Variants in FSHR observed in about 807,000 individuals in gnomAD.
The protein encoded by FSHR is follicle stimulating hormone receptor, also known as follicle-stimulating hormone receptor.
A neutral mutation model predicts 52.1 loss-of-function variants in FSHR; 46 were observed. The ratio of observed to expected loss-of-function variants is 0.88; its 90% CI spans 0.70 to 1.13. The LOEUF (loss-of-function observed/expected upper bound fraction) is 1.13. Among genes scored for constraint, FSHR ranks in the 50% most tolerant of loss-of-function variants. The pLI is 0.00. For missense variants in FSHR, 964 were observed against 834.6 expected (o/e 1.16, Z -1.91); for synonymous variants, 399 against 309.6 (o/e 1.29, Z -3.03).
chr2:49,006,431 G>C (rs949602463), intron 4 of FSHR, among the ~76,000 whole-genome samples: 1 of 151,982 alleles, frequency 6.6e-6, no homozygotes. Context: ...TCCAAATCTA[G>C]TCATACTCTT....
chr2:49,073,553 T>C (rs569259904), intron 1 of FSHR, among the ~76,000 whole-genome samples: 7 of 151,864 alleles, frequency 4.6e-5, no homozygotes, highest in Non-Finnish European at 7.4e-5. Context: ...TTAAAGAAGA[T>C]ACAAATGTAA....
rs199548127 is a variant in FSHR at position 49,020,175 on chromosome 2, A to G, written c.225-15T>C. ...GAGAGATCTCTCTGTGGAGAAAAAA[A>G]TATATAAGTCAAGCCAGTTCAGTTA... is the stretch of plus-strand genomic sequence containing the variant. On this transcript the variant is annotated splice_polypyrimidine_tract_variant and intron_variant, in intron 2 of 9. Coordinates refer to ENST00000406846, the MANE Select transcript of FSHR (RefSeq NM_000145.4). 1.8e-5 allele frequency: 29 copies of G among 1,604,886 alleles called. No individual in the cohort carries two copies. The highest frequency in any genetic ancestry group is 5.4e-5 in the African/African-American group (4 of 74,684).
intron 2 of FSHR, among the ~76,000 whole-genome samples, chr2:49,021,882 TATATAGAGAGAGAGAGAGAG>T (rs201502949): frequency 0.011 from 482 of 43,896 alleles, 11 homozygotes; most frequent in East Asian, 0.029. Context: ...TATATATATA[TATATAGAGAGAGAGAGAGAG>T]AGAGAGAGAG....
intron 2 of FSHR, among the ~76,000 whole-genome samples, chr2:49,025,697 GAA>G (rs780498933): frequency 6.6e-6 from 1 of 152,100 alleles, no homozygotes; most frequent in African/African-American, 2.4e-5. Context: ...TGTGCTGAGG[GAA>G]AACTCTACTG....
intron 1 of FSHR, among the ~76,000 whole-genome samples, chr2:49,133,724 T>C (rs537679134): frequency 2.6e-5 from 4 of 152,150 alleles, no homozygotes; most frequent in Non-Finnish European, 5.9e-5. Context: ...AACAGAGATA[T>C]AGACCAATGG....
intron 8 of FSHR, among the ~76,000 whole-genome samples, chr2:48,969,317 T>G (rs1674626079): frequency 1.3e-5 from 2 of 152,084 alleles, no homozygotes; most frequent in African/African-American, 2.4e-5. Context: ...TGGCCAAATT[T>G]CAGAAAAAGG....
At chr2:49,076,249 G>A (rs890583326) in intron 1 of FSHR, among the ~76,000 whole-genome samples, 3 of 152,158 alleles carry the variant, frequency 2.0e-5, no homozygotes, top group Admixed American at 2.0e-4. Context: ...AAAGAAAGAG[G>A]TTTAATGGAC....
intron 1 of FSHR, among the ~76,000 whole-genome samples, chr2:49,116,847 A>G (rs1161711368): frequency 6.6e-6 from 1 of 152,210 alleles, no homozygotes; most frequent in African/African-American, 2.4e-5. Flanking sequence ...TTTTCCCAAC[A>G]TTCTGCTTTG....
chr2:49,094,838 C>T (rs1211667806), intron 1 of FSHR, among the ~76,000 whole-genome samples: 1 of 151,796 alleles, frequency 6.6e-6, no homozygotes, highest in African/African-American at 2.4e-5. Flanking sequence ...TATAAAAAAT[C>T]AATAAAACCA....
chr2:49,145,210 T>A (rs1672827831), intron 1 of FSHR, among the ~76,000 whole-genome samples: 1 of 152,150 alleles, frequency 6.6e-6, no homozygotes, highest in African/African-American at 2.4e-5. Context: ...CTTTTCTACC[T>A]TCTGTGTTAA....
chr2:48,997,439 C>A, intron 4 of FSHR: 6 of 961,424 alleles, frequency 6.2e-6, no homozygotes, highest in Non-Finnish European at 7.4e-6. Context: ...AGATTCTGTT[C>A]GGACCTAGCA....
At chr2:49,093,817 G>A (rs1280502899) in intron 1 of FSHR, among the ~76,000 whole-genome samples, 1 of 151,828 alleles carries the variant, frequency 6.6e-6, no homozygotes, top group African/African-American at 2.4e-5. Flanking sequence ...GGCTGGTCTC[G>A]AACTCCTGAC....
chr2:48,992,100 C>T (rs1675809457), intron 4 of FSHR, among the ~76,000 whole-genome samples: 1 of 152,000 alleles, frequency 6.6e-6, no homozygotes, highest in Non-Finnish European at 1.5e-5. Context: ...ATTACTTCAA[C>T]AGCCCTTGAG....
chr2:49,097,702 A>G (rs1670877783), intron 1 of FSHR, among the ~76,000 whole-genome samples: 1 of 152,208 alleles, frequency 6.6e-6, no homozygotes, highest in African/African-American at 2.4e-5. Context: ...CTGCACTGTG[A>G]GAGGTACTGG....
At chr2:49,043,657 A>G (rs935168342) in intron 2 of FSHR, among the ~76,000 whole-genome samples, 1 of 152,150 alleles carries the variant, frequency 6.6e-6, no homozygotes, top group Non-Finnish European at 1.5e-5. Flanking sequence ...GGTGGGGCAT[A>G]AAAAAACCAA....
At chr2:49,054,777 A>T (rs1475488881) in intron 2 of FSHR, among the ~76,000 whole-genome samples, 2 of 152,200 alleles carry the variant, frequency 1.3e-5, no homozygotes, top group Admixed American at 6.5e-5. Flanking sequence ...CATTACTAGC[A>T]TGGATTACAG....
intron 1 of FSHR, among the ~76,000 whole-genome samples, chr2:49,085,716 A>C (rs1432080367): frequency 6.6e-6 from 1 of 152,164 alleles, no homozygotes; most frequent in Admixed American, 6.5e-5. Context: ...AACCAACCCA[A>C]ATGTCCAACA....
intron 2 of FSHR, among the ~76,000 whole-genome samples, chr2:49,051,166 G>C (rs1668843241): frequency 6.6e-6 from 1 of 151,952 alleles, no homozygotes; most frequent in Non-Finnish European, 1.5e-5. Flanking sequence ...TTTTCTGTTT[G>C]GGGCTATTAT....
chr2:49,123,084 A>G (rs1425429305), intron 1 of FSHR, among the ~76,000 whole-genome samples: 1 of 152,156 alleles, frequency 6.6e-6, no homozygotes, highest in Non-Finnish European at 1.5e-5. Flanking sequence ...CATCCAAGGC[A>G]TAAAGAATTT....
Sources: allele counts gnomAD v4.1 joint callset (sites outside exome capture counted in the v4.1 genomes callset), GRCh38; gene constraint gnomAD v4.1.1; transcripts MANE v1.5; gene names NCBI Gene and HGNC (gene_info 2026-07-23, HGNC 2026-07-21).